The following SNX24 variants were observed in gnomAD, a reference collection of about 807,000 sequenced individuals.
SNX24 encodes sorting nexin-24.
A neutral mutation model predicts 28.7 loss-of-function variants in SNX24; 22 were observed. That is an observed-to-expected ratio of 0.77 (90% CI 0.55 to 1.10). The LOEUF is 1.10. SNX24 is among the 50% of genes least tolerant of loss of function. SNX24 has a pLI of 0.00. For missense variants in SNX24, 221 were observed against 201.1 expected (o/e 1.10, Z -0.60); for synonymous variants, 69 against 71.5 (o/e 0.96, Z 0.18).
chr5:123,011,369 C>T (rs1472270330), downstream of SNX24, among the ~76,000 whole-genome samples: 1 of 152,162 alleles, frequency 6.6e-6, no homozygotes, highest in African/African-American at 2.4e-5. Context: ...ATTGGCAGCC[C>T]TCGTGTCCTT....
At chr5:123,023,772 T>TA (rs528773387) in intron 5 of SNX24, 24,550 of 961,702 alleles carry the variant, frequency 0.026, 2 homozygotes, top group South Asian at 0.044. Context: ...AAAAAGAAAG[T>TA]AAAAAAAAAA....
intron 3 of SNX24, among the ~76,000 whole-genome samples, chr5:122,956,863 C>T (rs751728462): frequency 1.3e-5 from 2 of 151,686 alleles, no homozygotes; most frequent in Non-Finnish European, 2.9e-5. Flanking sequence ...AAGTCCTTTG[C>T]CATTGTTTAA....
chr5:123,028,818 GA>G, intron 5 of SNX24: 1 of 1,613,780 alleles, frequency 6.2e-7, no homozygotes, highest in Non-Finnish European at 8.5e-7. Context: ...CTTGAATCAT[GA>G]AATCCTTGAT....
chr5:122,937,456 A>G (rs1274980192), intron 2 of SNX24, among the ~76,000 whole-genome samples: 1 of 152,236 alleles, frequency 6.6e-6, no homozygotes, highest in African/African-American at 2.4e-5. Context: ...ATTAAAGCAC[A>G]GAAGAGTAAA....
intron 3 of SNX24, among the ~76,000 whole-genome samples, chr5:122,953,604 G>A (rs1426726702): frequency 6.6e-6 from 1 of 151,938 alleles, no homozygotes; most frequent in Non-Finnish European, 1.5e-5. Flanking sequence ...TGTTTAGTGG[G>A]TACATCCCTC....
chr5:122,976,520 T>G (rs1761172336), intron 3 of SNX24, among the ~76,000 whole-genome samples: 3 of 152,226 alleles, frequency 2.0e-5, no homozygotes, highest in Non-Finnish European at 4.4e-5. Context: ...AAAGTCACTC[T>G]TCCAGATTGA....
intron 1 of SNX24, among the ~76,000 whole-genome samples, chr5:122,903,936 A>G (rs1757541569): frequency 6.6e-6 from 1 of 152,184 alleles, no homozygotes; most frequent in Non-Finnish European, 1.5e-5. Flanking sequence ...CAATAATTAC[A>G]TTAAAAGATA....
At chr5:122,993,826 A>G (rs965999750) in intron 3 of SNX24, among the ~76,000 whole-genome samples, 1 of 152,084 alleles carries the variant, frequency 6.6e-6, no homozygotes, top group Non-Finnish European at 1.5e-5. Context: ...TCTGAAGTAG[A>G]TATGGTATGA....
At chr5:122,863,109 A>C (rs1377896482) in intron 1 of SNX24, among the ~76,000 whole-genome samples, 1 of 152,214 alleles carries the variant, frequency 6.6e-6, no homozygotes, top group African/African-American at 2.4e-5. Context: ...GGAGAGTAAG[A>C]GTAAACATGA....
At chr5:122,869,141 G>A (rs988090677) in intron 1 of SNX24, among the ~76,000 whole-genome samples, 1 of 152,142 alleles carries the variant, frequency 6.6e-6, no homozygotes, top group Non-Finnish European at 1.5e-5. Flanking sequence ...TTTATTATCG[G>A]TGAACAATTA....
At chr5:122,915,420 G>A (rs1202390472) in intron 1 of SNX24, among the ~76,000 whole-genome samples, 1 of 152,178 alleles carries the variant, frequency 6.6e-6, no homozygotes, top group South Asian at 2.1e-4. Context: ...GAGCCCAGGA[G>A]TTTGAGACCA....
chr5:122,845,759 C>T (rs1239741217), intron 1 of SNX24, 66 bp downstream of exon 1: 35 of 1,007,252 alleles, frequency 3.5e-5, no homozygotes, highest in Non-Finnish European at 4.2e-5. Context: ...GCCCAGGAAA[C>T]ACCCTTGGCC....
chr5:122,912,920 G>C (rs113503259), intron 1 of SNX24, among the ~76,000 whole-genome samples: 8,941 of 151,846 alleles, frequency 0.059, 364 homozygotes, highest in African/African-American at 0.12. Context: ...TGACTCTTAA[G>C]GAGCATGCTG....
At chr5:122,882,139 C>T (rs577099832) in intron 1 of SNX24, among the ~76,000 whole-genome samples, 2 of 152,202 alleles carry the variant, frequency 1.3e-5, no homozygotes, top group African/African-American at 4.8e-5. Context: ...TTTATAGAGA[C>T]AGAGTCTGAC....
At chr5:122,996,951 G>A (rs1296797645) in intron 3 of SNX24, among the ~76,000 whole-genome samples, 1 of 151,046 alleles carries the variant, frequency 6.6e-6, no homozygotes, top group African/African-American at 2.5e-5. Flanking sequence ...CTTCAAGAAG[G>A]GGTGGTTCCT....
At chr5:122,990,247 G>A (rs1043584475) in intron 3 of SNX24, among the ~76,000 whole-genome samples, 1 of 152,068 alleles carries the variant, frequency 6.6e-6, no homozygotes, top group Admixed American at 6.6e-5. Flanking sequence ...CTCATTGAGG[G>A]TTCCTAAATT....
intron 4 of SNX24, 48 bp downstream of exon 4, chr5:123,000,054 A>G (rs753381929): frequency 1.6e-6 from 2 of 1,218,720 alleles, no homozygotes; most frequent in Non-Finnish European, 2.4e-6. Flanking sequence ...ATTACTCTTC[A>G]ATGACCAATT....
At chr5:122,918,382 A>T (rs763540892) in intron 1 of SNX24, among the ~76,000 whole-genome samples, 15 of 152,218 alleles carry the variant, frequency 9.9e-5, no homozygotes, top group Non-Finnish European at 2.1e-4. Context: ...AGGCCAAATT[A>T]TATAATTTGG....
chr5:122,965,347 G>C lies in SNX24; in HGVS notation c.249+19188G>C. 5 of 410,588 alleles carry C rather than the reference G, an allele frequency of 1.2e-5. 1 individual carries two copies. Among genetic ancestry groups the C allele is most frequent in the South Asian group, 8.7e-5 (5 of 57,558 alleles). The allele number at this position is 410,588 out of a possible 1,614,324, so 25.4% of individuals were successfully genotyped here. On this transcript the variant is annotated intron_variant, in intron 3 of 6. Coordinates refer to ENST00000261369, the MANE Select transcript of SNX24 (RefSeq NM_014035.4). ...ACTCAGGCCTAATTGCTGCCGACTG[G>C]CTGCCACAGGTACCTGGATAGCCTG...
Sources: gnomAD v4.1 joint callset for allele counts (sites outside exome capture counted in the v4.1 genomes callset) on GRCh38, gnomAD v4.1.1 for gene constraint, MANE v1.5 for transcripts, NCBI Gene and HGNC (gene_info 2026-07-23, HGNC 2026-07-21) for gene names.